The following VTI1A variants were observed in gnomAD, a reference collection of about 807,000 sequenced individuals.
VTI1A encodes the protein vesicle transport through interaction with t-SNAREs homolog 1A.
In VTI1A, 22 loss-of-function variants were observed where a neutral mutation model predicts 34.9. The observed-to-expected ratio is 0.63, with a 90% CI of 0.45 to 0.90. VTI1A has a LOEUF of 0.90. Ranked by LOEUF, VTI1A falls within the 40% of genes least tolerant of loss-of-function variation. The probability of loss-of-function intolerance (pLI) is 0.00; values close to 1 mark genes in which losing one functional copy is unlikely to be tolerated. For synonymous variants in VTI1A, 87 were observed against 97.3 expected, an observed-to-expected ratio of 0.89 and a Z score of 0.62; for missense variants, 268 against 275.6, an observed-to-expected ratio of 0.97 and a Z score of 0.20.
At chr10:112,743,491 T>C (rs1850771187) in intron 7 of VTI1A, among the ~76,000 whole-genome samples, 1 of 152,222 alleles carries the variant, frequency 6.6e-6, no homozygotes, top group Non-Finnish European at 1.5e-5. Context: ...TGGTTTCTCC[T>C]TGCAAGTCGT....
chr10:112,560,811 G>A (rs1851700657), intron 5 of VTI1A, among the ~76,000 whole-genome samples: 1 of 151,928 alleles, frequency 6.6e-6, no homozygotes, highest in Non-Finnish European at 1.5e-5. Flanking sequence ...TGGCCAGGAT[G>A]GTCTCTATCT....
intron 7 of VTI1A, among the ~76,000 whole-genome samples, chr10:112,717,733 C>T (rs144312341): frequency 4.4e-4 from 67 of 152,256 alleles, no homozygotes; most frequent in African/African-American, 1.4e-3. Context: ...CCTCATTCTA[C>T]TCAGCAAGAC....
At chr10:112,559,935 G>A (rs546483148) in intron 5 of VTI1A, among the ~76,000 whole-genome samples, 220 of 152,296 alleles carry the variant, frequency 1.4e-3, no homozygotes, top group African/African-American at 5.1e-3. Flanking sequence ...CAGCCAGAGT[G>A]GCCACACACG....
intron 7 of VTI1A, among the ~76,000 whole-genome samples, chr10:112,781,054 C>T (rs1380830974): frequency 6.6e-6 from 1 of 152,150 alleles, no homozygotes; most frequent in East Asian, 1.9e-4. Context: ...AAGCAATTCT[C>T]CTGCCTCAGC....
chr10:112,834,682 G>A, the VTI1A span, among the ~76,000 whole-genome samples: 73 of 152,182 alleles, frequency 4.8e-4, no homozygotes, highest in African/African-American at 1.7e-3. Context: ...ATTTAGTTGA[G>A]GATTTAAAAT....
chr10:112,662,716 CCA>C (rs1847504663), intron 5 of VTI1A, among the ~76,000 whole-genome samples: 1 of 151,938 alleles, frequency 6.6e-6, no homozygotes, highest in Non-Finnish European at 1.5e-5. Flanking sequence ...TTATAGTATT[CCA>C]CACACTGTAT....
intron 5 of VTI1A, among the ~76,000 whole-genome samples, chr10:112,569,621 A>G (rs1256751735): frequency 1.3e-5 from 2 of 152,210 alleles, no homozygotes; most frequent in African/African-American, 4.8e-5. Flanking sequence ...ATTAGTGAGG[A>G]CTGACAAGCG....
rs905071436 is a variant in VTI1A, at chr10:112,475,500, G to A, written c.264+10843G>A. ...ATGTTACCATTTTATGGCAGAAGGA[G>A]CAAATTTTTGCTATGACTTTATGGC... On this transcript the variant is annotated intron_variant, in intron 3 of 7. Transcript: ENST00000393077. Among the ~76,000 whole-genome samples the A allele has an allele frequency of 2.0e-5, 3 of 152,302 alleles. No homozygotes were observed. In the South Asian group the frequency reaches 6.2e-4, roughly 32 times the overall value.
At chr10:112,845,977 C>T in the VTI1A span, among the ~76,000 whole-genome samples, 2 of 152,124 alleles carry the variant, frequency 1.3e-5, no homozygotes, top group Non-Finnish European at 2.9e-5. Context: ...AAGATCACAC[C>T]ACGACACGCC....
chr10:112,841,871 G>T, the VTI1A span, among the ~76,000 whole-genome samples: 23 of 152,084 alleles, frequency 1.5e-4, no homozygotes, highest in African/African-American at 5.3e-4. Context: ...AATAAATCCC[G>T]TCTCTGCTAA....
intron 3 of VTI1A, among the ~76,000 whole-genome samples, chr10:112,489,341 G>A (rs766292514): frequency 2.0e-5 from 3 of 152,256 alleles, no homozygotes; most frequent in South Asian, 2.1e-4. Flanking sequence ...TTTGTTTGGT[G>A]CTGTTTCTCA....
intron 3 of VTI1A, among the ~76,000 whole-genome samples, chr10:112,504,848 G>T (rs1169407390): frequency 6.6e-6 from 1 of 151,900 alleles, no homozygotes; most frequent in Non-Finnish European, 1.5e-5. Flanking sequence ...TAAAGGGGAG[G>T]TCACTGTAGT....
chr10:112,757,104 G>A (rs1413072657), intron 7 of VTI1A, among the ~76,000 whole-genome samples: 2 of 151,864 alleles, frequency 1.3e-5, no homozygotes, highest in African/African-American at 4.8e-5. Context: ...TAATTCAGAG[G>A]CAGCCAAGTG....
At chr10:112,852,538 A>G in the VTI1A span, among the ~76,000 whole-genome samples, 7 of 152,242 alleles carry the variant, frequency 4.6e-5, no homozygotes, top group Non-Finnish European at 1.0e-4. Context: ...CAGAGAAGTG[A>G]AGGCTCCTGA....
intron 7 of VTI1A, among the ~76,000 whole-genome samples, chr10:112,700,345 A>G (rs1427881629): frequency 6.6e-6 from 1 of 152,196 alleles, no homozygotes; most frequent in Non-Finnish European, 1.5e-5. Flanking sequence ...AAGAAAGTCC[A>G]GAAATAGCCC....
rs760363890 is a variant in VTI1A, at chr10:112,576,019, CTTTTTTT to C, written c.427+37702_427+37708del. Among the ~76,000 whole-genome samples, 15 of 131,310 alleles carry C rather than the reference CTTTTTTT, an allele frequency of 1.1e-4. No individual in the cohort carries two copies. The South Asian group carries it at 3.8e-3, about 33-fold the overall frequency. 86.1% of individuals were successfully genotyped at this position (131,310 alleles called of 152,430 possible). ...TGCCCCCTGCCTTTTCTTTTCTTTTCTTTTTTTTTTTTTTTTTTTGAGAGGGAGTCTC... is the reference window on the plus strand; with the variant it reads ...TGCCCCCTGCCTTTTCTTTTCTTTTCTTTTTTTTTTTTGAGAGGGAGTCTC... On this transcript the variant is annotated intron_variant, in intron 5 of 7. Coordinates refer to ENST00000393077, the MANE Select transcript of VTI1A (RefSeq NM_145206.4).
intron 7 of VTI1A, among the ~76,000 whole-genome samples, chr10:112,772,032 T>C (rs1206843141): frequency 6.6e-6 from 1 of 152,236 alleles, no homozygotes; most frequent in African/African-American, 2.4e-5. Context: ...GTACAAGTTT[T>C]TGTGTGGACA....
At chr10:112,795,376 A>G (rs34562081) in intron 7 of VTI1A, among the ~76,000 whole-genome samples, 2 of 151,060 alleles carry the variant, frequency 1.3e-5, no homozygotes, top group African/African-American at 2.4e-5. Context: ...ACTAAAAAAA[A>G]TTTTTAAATA....
At chr10:112,642,613 G>A (rs1407011105) in intron 5 of VTI1A, among the ~76,000 whole-genome samples, 4 of 150,982 alleles carry the variant, frequency 2.6e-5, no homozygotes, top group Admixed American at 6.6e-5. Flanking sequence ...AGGGTAGTGT[G>A]TGTGTGTGTG....
Sources: gnomAD v4.1 joint callset for allele counts (sites outside exome capture counted in the v4.1 genomes callset) on GRCh38, gnomAD v4.1.1 for gene constraint, MANE v1.5 for transcripts, NCBI Gene and HGNC (gene_info 2026-07-23, HGNC 2026-07-21) for gene names.